The following MKRN1 variants were observed in gnomAD, a reference collection of about 807,000 sequenced individuals.
MKRN1 encodes the protein makorin ring finger protein 1.
Under a neutral mutation model 55.5 loss-of-function variants are expected in MKRN1, and 9 were observed. That is an observed-to-expected ratio of 0.16 (90% CI 0.10 to 0.28). MKRN1 has a LOEUF of 0.28. MKRN1 is among the 10% of genes least tolerant of loss of function. MKRN1 has a pLI of 1.00. For missense variants in MKRN1, 488 were observed against 626.7 expected (o/e 0.78, Z 2.36); for synonymous variants, 253 against 235.9 (o/e 1.07, Z -0.66).
chr7:140,478,571 AAAG>A (rs1436034400), intron 1 of MKRN1: 18 of 152,220 alleles, frequency 1.2e-4, no homozygotes, highest in Admixed American at 1.1e-3. Flanking sequence ...ACAAACATAC[AAAG>A]AAGAAATACA....
intron 1 of MKRN1, among the ~76,000 whole-genome samples, chr7:140,472,779 T>C (rs180887107): frequency 2.9e-4 from 44 of 151,406 alleles, no homozygotes; most frequent in Admixed American, 1.7e-3. Flanking sequence ...AATGTAATAA[T>C]AATACGCCTT....
intron 1 of MKRN1, chr7:140,473,250 T>C: frequency 2.2e-6 from 1 of 447,042 alleles, no homozygotes; most frequent in South Asian, 1.6e-5. Flanking sequence ...TCACCCCAAG[T>C]TGAGTTTGCC....
intron 2 of MKRN1, among the ~76,000 whole-genome samples, chr7:140,460,921 G>A (rs776132740): frequency 6.6e-6 from 1 of 152,252 alleles, no homozygotes; most frequent in African/African-American, 2.4e-5. Context: ...GATCAAACTT[G>A]ATTTATGAAA....
chr7:140,472,012 CTG>C lies in MKRN1; in HGVS notation c.186-3_186-2del. 1.2e-6 allele frequency: 2 copies of C among 1,613,950 alleles called. No homozygotes were observed. Among genetic ancestry groups the C allele is most frequent in the Admixed American group, 1.7e-5 (1 of 59,978 alleles). On this transcript the variant is annotated splice_acceptor_variant and splice_polypyrimidine_tract_variant and intron_variant, in intron 1 of 7. Transcript: ENST00000255977. LOFTEE classifies it high-confidence loss of function. ...CTTACAAACCCCATGCATAAAATAC[CTG>C]TGAGACGAAAGACCACAAAACTGGA...
At chr7:140,454,766 C>A in intron 7 of MKRN1, 37 bp from the exon 8 acceptor site, 1 of 1,584,480 alleles carries the variant, frequency 6.3e-7, no homozygotes, top group South Asian at 1.1e-5. Context: ...ATGGCACTGT[C>A]GAGCAGTATC....
At chr7:140,458,895 C>A (rs1794539779) in intron 4 of MKRN1, 112 bp downstream of exon 4, 2 of 1,174,458 alleles carry the variant, frequency 1.7e-6, no homozygotes, top group South Asian at 2.9e-5. Context: ...TCCCTACTCA[C>A]TGATAACCAT....
At position 140,454,745 on chromosome 7, in the gene MKRN1, C is replaced by T; in HGVS notation, c.1237-16G>A. 1.2e-6 allele frequency: 2 copies of T among 1,611,430 alleles called. No homozygotes were observed. The highest frequency in any genetic ancestry group is 1.7e-6 in the Non-Finnish European group (2 of 1,177,724). ...TTCGTTGGGCCTGTAAAAAACAAGG[C>T]CATGATAGGGATGGCACTGTCGAGC... On this transcript the variant is annotated splice_polypyrimidine_tract_variant and intron_variant, in intron 7 of 7. Coordinates refer to ENST00000255977, the MANE Select transcript of MKRN1 (RefSeq NM_013446.4).
chr7:140,478,477 A>G (rs1332686154), intron 1 of MKRN1: 2 of 147,700 alleles, frequency 1.4e-5, no homozygotes, highest in African/African-American at 5.4e-5. Flanking sequence ...AATAATCTGC[A>G]GCTCAAAAAA....
At chr7:140,463,408 CAG>C (rs1399347130) in intron 2 of MKRN1, among the ~76,000 whole-genome samples, 2 of 152,202 alleles carry the variant, frequency 1.3e-5, no homozygotes, top group Non-Finnish European at 2.9e-5. Context: ...TCTAACTCTT[CAG>C]ACTTACATAC....
At chr7:140,474,455 T>C (rs1479277977) in intron 1 of MKRN1, 1 of 351,482 alleles carries the variant, frequency 2.8e-6, no homozygotes, top group Admixed American at 3.1e-5. Context: ...GCCCAGAGGT[T>C]GCAGTGAACC....
At chr7:140,463,766 T>G (rs1477789119) in intron 2 of MKRN1, among the ~76,000 whole-genome samples, 1 of 151,916 alleles carries the variant, frequency 6.6e-6, no homozygotes, top group East Asian at 1.9e-4. Flanking sequence ...GCGCCTGTAG[T>G]CCCAGCTACT....
rs1459298142 is a variant in MKRN1 at position 140,472,155 on chromosome 7, C to T, written c.186-144G>A. On this transcript the variant is annotated intron_variant, in intron 1 of 7. Coordinates refer to ENST00000255977, the MANE Select transcript of MKRN1 (RefSeq NM_013446.4). ...AAAGAAAGGGCCAGGCATGGTGGCT[C>T]ATGCCTGTAATCCCAGTACCTTTGG... The T allele has an allele frequency of 2.6e-6, 3 of 1,164,702 alleles. No individual in the cohort carries two copies. In the East Asian group the frequency reaches 7.9e-5, roughly 31 times the overall value. The allele number at this position is 1,164,702 out of a possible 1,614,324, so 72.1% of individuals were successfully genotyped here.
rs1795036110 is a variant in MKRN1 at position 140,474,037 on chromosome 7, GAAAGAAAGAA to G, written c.186-2036_186-2027del. ...AGAAAGAAAGAAAGAAAGAAAGAAA[GAAAGAAAGAA>G]AGAAAGAAAGAAAGAAAGAATAAAA... On this transcript the variant is annotated intron_variant, in intron 1 of 7. Transcript: ENST00000255977. 4.8e-5 allele frequency among the ~76,000 whole-genome samples: 4 copies of G among 83,472 alleles called. 1 individual carries two copies. The African/African-American group carries it at 7.3e-4, about 15-fold the overall frequency. 54.8% of individuals were successfully genotyped at this position (83,472 alleles called of 152,430 possible).
chr7:140,462,718 A>G (rs1289279939), intron 2 of MKRN1, among the ~76,000 whole-genome samples: 1 of 152,172 alleles, frequency 6.6e-6, no homozygotes, highest in Non-Finnish European at 1.5e-5. Context: ...TAATCCCAGC[A>G]TTTTGGGAGG....
At chr7:140,469,650 C>A (rs1014829736) in intron 2 of MKRN1, among the ~76,000 whole-genome samples, 1 of 152,126 alleles carries the variant, frequency 6.6e-6, no homozygotes. Flanking sequence ...GGGTGGCTCA[C>A]GCCTGTAATC....
chr7:140,457,184 T>C (rs1794489919), intron 4 of MKRN1, among the ~76,000 whole-genome samples: 1 of 152,152 alleles, frequency 6.6e-6, no homozygotes, highest in Admixed American at 6.5e-5. Flanking sequence ...TTCCATACTG[T>C]TTGTTATTTC....
chr7:140,455,000 T>G lies in MKRN1; in HGVS notation c.1236+95A>C, dbSNP rs563049644. 1.1e-5 allele frequency: 16 copies of G among 1,510,972 alleles called. No individual in the cohort carries two copies. The East Asian group carries it at 2.3e-4, about 21-fold the overall frequency. 93.6% of individuals were successfully genotyped at this position (1,510,972 alleles called of 1,614,324 possible). ...TACTCTACACTTTCGCTCCCAGACC[T>G]GAGCGTTAACCTTCTCCTTCCCCTA... On this transcript the variant is annotated intron_variant, in intron 7 of 7. Transcript: ENST00000255977.
At chr7:140,472,253 G>A (rs950682164) in intron 1 of MKRN1, 3 of 446,034 alleles carry the variant, frequency 6.7e-6, no homozygotes, top group Admixed American at 7.3e-5. Flanking sequence ...TGGGCAACAT[G>A]GTGAAACCCC....
chr7:140,458,914 T>C, intron 4 of MKRN1, 93 bp downstream of exon 4: 2 of 1,333,288 alleles, frequency 1.5e-6, no homozygotes, highest in Non-Finnish European at 2.1e-6. Flanking sequence ...ATTCAATTCA[T>C]CAAATGTTTC....
Sources: gnomAD v4.1 joint callset for allele counts (sites outside exome capture counted in the v4.1 genomes callset) on GRCh38, gnomAD v4.1.1 for gene constraint, MANE v1.5 for transcripts, NCBI Gene and HGNC (gene_info 2026-07-23, HGNC 2026-07-21) for gene names.